The following ACAP2 variants were observed in gnomAD, a reference collection of about 807,000 sequenced individuals.
The protein encoded by ACAP2 is arf-GAP with coiled-coil, ANK repeat and PH domain-containing protein 2.
In ACAP2, 39 loss-of-function variants were observed where a neutral mutation model predicts 115.8. The observed-to-expected ratio is 0.34, with a 90% CI of 0.26 to 0.44. The LOEUF is 0.44. Ranked by LOEUF, ACAP2 falls within the 20% of genes least tolerant of loss-of-function variation. The pLI is 1.00. For synonymous variants in ACAP2, 289 were observed against 315.8 expected, an observed-to-expected ratio of 0.92 and a Z score of 0.90; for missense variants, 662 against 927.6, an observed-to-expected ratio of 0.71 and a Z score of 3.72.
intron 2 of ACAP2, among the ~76,000 whole-genome samples, chr3:195,391,359 A>T (rs1271250455): frequency 2.6e-5 from 4 of 151,458 alleles, no homozygotes; most frequent in Non-Finnish European, 5.9e-5. Context: ...CCTCCCGAGT[A>T]GCTAGGATTA....
At chr3:195,319,957 G>A (rs1577294125) in intron 10 of ACAP2, among the ~76,000 whole-genome samples, 2 of 152,272 alleles carry the variant, frequency 1.3e-5, no homozygotes, top group Admixed American at 1.3e-4. Context: ...TTGAAAAAGG[G>A]ACCTGGTGGG....
At chr3:195,337,446 C>CTTTTTT (rs11411412) in intron 6 of ACAP2, among the ~76,000 whole-genome samples, 2 of 131,518 alleles carry the variant, frequency 1.5e-5, no homozygotes, top group African/African-American at 5.8e-5. Flanking sequence ...AACCAGTCAT[C>CTTTTTT]TTTTTTTTTT....
At chr3:195,417,361 G>A (rs986648846) in intron 1 of ACAP2, among the ~76,000 whole-genome samples, 1 of 152,064 alleles carries the variant, frequency 6.6e-6, no homozygotes, top group Non-Finnish European at 1.5e-5. Context: ...TGTTCTCTCT[G>A]TGAGCAGCAA....
chr3:195,390,227 G>A (rs567004484), intron 2 of ACAP2, among the ~76,000 whole-genome samples: 2 of 152,146 alleles, frequency 1.3e-5, no homozygotes, highest in East Asian at 3.9e-4. Context: ...TCTAGCCCTG[G>A]TTGTGCCTCT....
chr3:195,326,806 T>G, intron 9 of ACAP2, 79 bp downstream of exon 9: 1 of 1,264,810 alleles, frequency 7.9e-7, no homozygotes, highest in Non-Finnish European at 1.1e-6. Context: ...TTTGTTCCAA[T>G]ACAATGATAC....
chr3:195,351,204 G>A (rs993558469), intron 4 of ACAP2, among the ~76,000 whole-genome samples: 70 of 135,026 alleles, frequency 5.2e-4, no homozygotes, highest in Non-Finnish European at 8.4e-4. Flanking sequence ...TGCAACCTCC[G>A]CCTCCCAGGT....
intron 21 of ACAP2, among the ~76,000 whole-genome samples, chr3:195,288,730 C>CAT (rs1560202529): frequency 6.6e-6 from 1 of 152,012 alleles, no homozygotes; most frequent in African/African-American, 2.4e-5. Context: ...TGGTGGATCA[C>CAT]GCCTGTAATC....
chr3:195,276,550 T>C lies in ACAP2; in HGVS notation c.*2778A>G, dbSNP rs902951292. 1.3e-5 allele frequency: 2 copies of C among 152,174 alleles called. No individual in the cohort carries two copies. Among genetic ancestry groups the C allele is most frequent in the Non-Finnish European group, 2.9e-5 (2 of 68,028 alleles). The allele number at this position is 152,174 out of a possible 1,614,324, so 9.4% of individuals were successfully genotyped here. A position where few individuals can be genotyped will look rare whatever the true frequency, so the allele number is the denominator to read the frequency against. ...AACTTTCAAGTTAGTAAGCTAATGA[T>C]AATGAGCTAACAGATTAATAATAAG... On this transcript the variant is annotated 3_prime_UTR_variant, in exon 23 of 23. Coordinates refer to ENST00000326793, the MANE Select transcript of ACAP2 (RefSeq NM_012287.6).
At chr3:195,309,363 G>A (rs1728614150) in intron 10 of ACAP2, among the ~76,000 whole-genome samples, 1 of 152,020 alleles carries the variant, frequency 6.6e-6, no homozygotes, top group Non-Finnish European at 1.5e-5. Flanking sequence ...TGACCAACAT[G>A]GTGAAACCTA....
intron 7 of ACAP2, among the ~76,000 whole-genome samples, chr3:195,335,462 A>G (rs1730438787): frequency 6.6e-6 from 1 of 152,208 alleles, no homozygotes; most frequent in Non-Finnish European, 1.5e-5. Context: ...AAAGGCATAT[A>G]TTCAAGTTCA....
At chr3:195,332,755 T>G (rs565640114) in intron 8 of ACAP2, among the ~76,000 whole-genome samples, 1 of 152,170 alleles carries the variant, frequency 6.6e-6, no homozygotes, top group Non-Finnish European at 1.5e-5. Flanking sequence ...TGTTTGGTAG[T>G]TTCTCCTGCG....
At chr3:195,382,685 A>G (rs1268821448) in intron 2 of ACAP2, among the ~76,000 whole-genome samples, 1 of 152,150 alleles carries the variant, frequency 6.6e-6, no homozygotes, top group East Asian at 1.9e-4. Context: ...CAAGAAGAGG[A>G]TAAAGAGCCA....
At chr3:195,311,367 G>C (rs1299515106) in intron 10 of ACAP2, among the ~76,000 whole-genome samples, 1 of 152,084 alleles carries the variant, frequency 6.6e-6, no homozygotes, top group African/African-American at 2.4e-5. Context: ...AAAGTGCTGG[G>C]ACTACAGGCG....
At chr3:195,342,307 C>T (rs1432316473) in intron 6 of ACAP2, among the ~76,000 whole-genome samples, 164 bp downstream of exon 6, 1 of 152,158 alleles carries the variant, frequency 6.6e-6, no homozygotes, top group Non-Finnish European at 1.5e-5. Context: ...CATACACACA[C>T]AGGTACACTA....
At chr3:195,329,153 T>C (rs1408625232) in intron 8 of ACAP2, among the ~76,000 whole-genome samples, 1 of 151,748 alleles carries the variant, frequency 6.6e-6, no homozygotes, top group Non-Finnish European at 1.5e-5. Context: ...GGGACAATTC[T>C]CCCTCTCTGA....
chr3:195,357,011 G>C (rs544609647), intron 4 of ACAP2, among the ~76,000 whole-genome samples: 138 of 152,120 alleles, frequency 9.1e-4, no homozygotes, highest in African/African-American at 3.2e-3. Flanking sequence ...GTTGGGAGGA[G>C]CACCAAGTGG....
intron 4 of ACAP2, among the ~76,000 whole-genome samples, chr3:195,346,562 G>A (rs1016773702): frequency 6.6e-6 from 1 of 152,226 alleles, no homozygotes; most frequent in South Asian, 2.1e-4. Context: ...AGAAGAAACT[G>A]ATACCCTGAA....
At chr3:195,402,734 G>A (rs1054908034) in intron 1 of ACAP2, among the ~76,000 whole-genome samples, 1 of 152,132 alleles carries the variant, frequency 6.6e-6, no homozygotes, top group Admixed American at 6.5e-5. Flanking sequence ...GACACTCAAA[G>A]AAAAGAATCA....
chr3:195,363,920 A>G (rs760561986), intron 4 of ACAP2, among the ~76,000 whole-genome samples: 1 of 152,214 alleles, frequency 6.6e-6, no homozygotes, highest in African/African-American at 2.4e-5. Flanking sequence ...CAGAAGAACG[A>G]AACTAGAGCC....
Sources: gnomAD v4.1 joint callset for allele counts (sites outside exome capture counted in the v4.1 genomes callset) on GRCh38, gnomAD v4.1.1 for gene constraint, MANE v1.5 for transcripts, NCBI Gene and HGNC (gene_info 2026-07-23, HGNC 2026-07-21) for gene names.